Variants in ADGRF5 observed in about 807,000 individuals in gnomAD.
ADGRF5 encodes adhesion G protein-coupled receptor F5, also known as G-protein coupled receptor 116.
Under a neutral mutation model 132.3 loss-of-function variants are expected in ADGRF5, and 75 were observed. That is an observed-to-expected ratio of 0.57 (90% CI 0.47 to 0.69). The LOEUF is 0.69. Ranked by LOEUF, ADGRF5 falls within the 30% of genes least tolerant of loss-of-function variation. The probability of loss-of-function intolerance (pLI) is 0.00; values close to 1 mark genes in which losing one functional copy is unlikely to be tolerated. For missense variants in ADGRF5, 1,516 were observed against 1,630.6 expected, an observed-to-expected ratio of 0.93 and a Z score of 1.21; for synonymous variants, 629 against 597.6, an observed-to-expected ratio of 1.05 and a Z score of -0.77.
chr6:46,923,167 T>C (rs1777074745), upstream of ADGRF5, among the ~76,000 whole-genome samples: 3 of 152,158 alleles, frequency 2.0e-5, no homozygotes, highest in Admixed American at 2.0e-4. Flanking sequence ...CCTCAGGTAA[T>C]CCCCAGCCTC....
intron 13 of ADGRF5, among the ~76,000 whole-genome samples, chr6:46,865,425 T>C (rs1770303351): frequency 6.6e-6 from 1 of 152,246 alleles, no homozygotes; most frequent in Non-Finnish European, 1.5e-5. Context: ...TCACACATTT[T>C]TGACATTCAG....
At chr6:46,866,643 C>A (rs181997659) in intron 13 of ADGRF5, among the ~76,000 whole-genome samples, 1 of 152,060 alleles carries the variant, frequency 6.6e-6, no homozygotes, top group African/African-American at 2.4e-5. Context: ...GTCAGAATAT[C>A]TAGTCTGCCA....
chr6:46,943,243 G>A (rs1263520019), intron 1 of ADGRF5, among the ~76,000 whole-genome samples: 2 of 152,140 alleles, frequency 1.3e-5, no homozygotes, highest in African/African-American at 4.8e-5. Context: ...GCAGAAAGTT[G>A]CTAAGTTTTG....
intron 9 of ADGRF5, among the ~76,000 whole-genome samples, chr6:46,879,600 T>C (rs1772218131): frequency 6.6e-6 from 1 of 152,216 alleles, no homozygotes; most frequent in South Asian, 2.1e-4. Context: ...AAACCTTTTT[T>C]CTTCATAAAT....
At chr6:46,928,991 G>A (rs1011393062) in intron 1 of ADGRF5, among the ~76,000 whole-genome samples, 9 of 152,016 alleles carry the variant, frequency 5.9e-5, no homozygotes, top group African/African-American at 2.2e-4. Flanking sequence ...CCCATTACTG[G>A]GTATATACCC....
chr6:46,930,624 G>C (rs1236567449), intron 1 of ADGRF5, among the ~76,000 whole-genome samples: 1 of 152,170 alleles, frequency 6.6e-6, no homozygotes, highest in Non-Finnish European at 1.5e-5. Context: ...TGGAATTGCT[G>C]TAGCCACATA....
chr6:46,864,923 C>T, intron 14 of ADGRF5, 119 bp downstream of exon 14: 1 of 697,874 alleles, frequency 1.4e-6, no homozygotes, highest in East Asian at 2.6e-5. Flanking sequence ...GAGCCCAGGG[C>T]CTACCACAGT....
At chr6:46,885,710 C>T (rs1158277246) in intron 4 of ADGRF5, among the ~76,000 whole-genome samples, 1 of 152,212 alleles carries the variant, frequency 6.6e-6, no homozygotes, top group Non-Finnish European at 1.5e-5. Flanking sequence ...CCAATGCTTC[C>T]TTTCTACATG....
intron 4 of ADGRF5, chr6:46,888,066 G>T (rs1327365283): frequency 5.8e-6 from 2 of 345,474 alleles, no homozygotes; most frequent in East Asian, 1.1e-4. Flanking sequence ...GAAGGACCTG[G>T]CCATATCTTG....
chr6:46,858,256 T>G lies in ADGRF5; in HGVS notation c.3647A>C (p.Gln1216Pro), dbSNP rs1230249672. The G allele has an allele frequency of 1.2e-6, 2 of 1,613,932 alleles. No homozygotes were observed. Among genetic ancestry groups the G allele is most frequent in the Non-Finnish European group, 1.7e-6 (2 of 1,180,000 alleles). ...GAGGACCCCAATGCTCTTGCTGATC[T>G]GAAACAGGCTGCTCTTCTCCTGCTT... ...PCKQEKSSLFQISKSIGVLTP... is the reference protein window; with the variant it reads ...PCKQEKSSLFPISKSIGVLTP... Residue 1216 changes from glutamine (Q) to proline (P), a missense_variant, in exon 17 of 21, where the codon CAG becomes CCG. Transcript: ENST00000283296.
At chr6:46,918,809 G>A (rs948669132) in intron 1 of ADGRF5, among the ~76,000 whole-genome samples, 1 of 152,192 alleles carries the variant, frequency 6.6e-6, no homozygotes, top group African/African-American at 2.4e-5. Context: ...CTGCACTGCT[G>A]CTGACACTTT....
At chr6:46,888,977 G>A (rs1581863469) in intron 3 of ADGRF5, among the ~76,000 whole-genome samples, 1 of 152,028 alleles carries the variant, frequency 6.6e-6, no homozygotes, top group Non-Finnish European at 1.5e-5. Flanking sequence ...TGTATCTCCA[G>A]TGTTCAGAAC....
chr6:46,913,330 C>A (rs1457420239), intron 1 of ADGRF5, among the ~76,000 whole-genome samples: 1 of 152,124 alleles, frequency 6.6e-6, no homozygotes, highest in Non-Finnish European at 1.5e-5. Flanking sequence ...GAAACCCTGT[C>A]TCTACTAAAA....
intron 1 of ADGRF5, chr6:46,908,146 T>G (rs1775584528): frequency 6.6e-6 from 1 of 152,210 alleles, no homozygotes; most frequent in African/African-American, 2.4e-5. Flanking sequence ...CTGATCCAAT[T>G]TGCAAATTTG....
At chr6:46,895,780 T>C (rs951946987) in intron 3 of ADGRF5, among the ~76,000 whole-genome samples, 19 of 151,740 alleles carry the variant, frequency 1.3e-4, no homozygotes, top group Non-Finnish European at 1.6e-4. Context: ...CAGTTGATAT[T>C]TGTGTTACTT....
rs751141655 is a variant in ADGRF5 at position 46,858,797 on chromosome 6, C to T, written c.3106G>A (p.Val1036Met). 2.5e-6 allele frequency: 4 copies of T among 1,614,046 alleles called. No homozygotes were observed. Among genetic ancestry groups the T allele is most frequent in the South Asian group, 1.1e-5 (1 of 91,084 alleles). ...SLAACLVVEA[V>M]VWKSVTKNRT... ...TTCTTGGTCACCGATTTCCACACCACAGCTTCCACAACTAGACAGGCTGCC... is the reference window on the plus strand; with the variant it reads ...TTCTTGGTCACCGATTTCCACACCATAGCTTCCACAACTAGACAGGCTGCC... Residue 1036 changes from valine (V) to methionine (M), a missense_variant, in exon 17 of 21, where the codon GTG (valine) becomes ATG (methionine). This residue lies in a region of ADGRF5 where 571 missense variants were observed against 701.2 expected (regional missense o/e 0.81). Transcript: ENST00000283296.
rs1478377446 is a variant in ADGRF5, at chr6:46,868,865, G to A, written c.1621+18C>T. ...AAGAGCCCAGGCAGCACAATACGGT[G>A]TCCGGCCTTTCACTCACCATTCCAC... On this transcript the variant is annotated intron_variant, in intron 12 of 20. Transcript: ENST00000283296. 15 of 1,530,468 alleles carry A rather than the reference G, an allele frequency of 9.8e-6. No homozygotes were observed. Among genetic ancestry groups the A allele is most frequent in the Non-Finnish European group, 1.3e-5 (14 of 1,106,194 alleles). The allele number at this position is 1,530,468 out of a possible 1,614,324, so 94.8% of individuals were successfully genotyped here.
rs762452798 is a variant in ADGRF5 at position 46,906,712 on chromosome 6, A to G, written c.51T>C (p.Tyr17=). The G allele has an allele frequency of 2.1e-5, 33 of 1,608,692 alleles. No homozygotes were observed. The South Asian group carries it at 2.9e-4, about 14-fold the overall frequency. ...TTLCLMFIVI[Y]SSKAALNWNY... ...TCCAGTTCAGTGCAGCTTTGGAAGA[A>G]TAAATCACAATAAACATGAGGCACA... is the stretch of plus-strand genomic sequence containing the variant. The change falls in exon 2 of 21, where the codon TAT becomes TAC. Residue 17 remains tyrosine, a synonymous_variant. Coordinates refer to ENST00000283296, the MANE Select transcript of ADGRF5 (RefSeq NM_001098518.2).
intron 1 of ADGRF5, among the ~76,000 whole-genome samples, chr6:46,930,269 G>T (rs1255390264): frequency 6.6e-6 from 1 of 152,182 alleles, no homozygotes; most frequent in Non-Finnish European, 1.5e-5. Flanking sequence ...TGTCACTTCT[G>T]TAGCAGGATT....
Sources: gnomAD v4.1 joint callset for allele counts (sites outside exome capture counted in the v4.1 genomes callset) on GRCh38, gnomAD v4.1.1 for gene constraint, gnomAD v4.1.1 regional missense constraint, MANE v1.5 for transcripts, NCBI Gene and HGNC (gene_info 2026-07-23, HGNC 2026-07-21) for gene names.